The following PKHD1L1 variants were observed in gnomAD, a reference collection of about 807,000 sequenced individuals.
The protein encoded by PKHD1L1 is fibrocystin-L.
In PKHD1L1, 434 loss-of-function variants were observed where a neutral mutation model predicts 462.9. The observed-to-expected ratio is 0.94, with a 90% CI of 0.87 to 1.02. The LOEUF (loss-of-function observed/expected upper bound fraction) is 1.02, where lower values mean the gene tolerates loss of function less well. Among genes scored for constraint, PKHD1L1 ranks in the 50% least tolerant of loss-of-function variants. PKHD1L1 has a pLI of 0.00. For missense variants in PKHD1L1, 5,202 were observed against 5,096.1 expected, an observed-to-expected ratio of 1.02 and a Z score of -0.63; for synonymous variants, 1,781 against 1,750.0, an observed-to-expected ratio of 1.02 and a Z score of -0.44.
At chr8:109,436,755 A>C (rs1351923052) in intron 30 of PKHD1L1, among the ~76,000 whole-genome samples, 3 of 152,216 alleles carry the variant, frequency 2.0e-5, no homozygotes, top group Non-Finnish European at 4.4e-5. Context: ...AACATAAAAC[A>C]CAGTGGAGAG....
At chr8:109,407,334 A>G (rs1250680900) in intron 17 of PKHD1L1, among the ~76,000 whole-genome samples, 2 of 152,218 alleles carry the variant, frequency 1.3e-5, no homozygotes, top group Non-Finnish European at 2.9e-5. Context: ...ATACTTATGA[A>G]TAAACATATG....
At chr8:109,512,023 C>A (rs1284765497) in intron 71 of PKHD1L1, among the ~76,000 whole-genome samples, 1 of 152,042 alleles carries the variant, frequency 6.6e-6, no homozygotes, top group African/African-American at 2.4e-5. Flanking sequence ...ATGTCCTTTG[C>A]CCACTTTTTG....
Position 109,518,456 on chromosome 8 carries a change from T to C in PKHD1L1, c.11979T>C (p.Ile3993=), listed in dbSNP as rs750888738. ...GGAAGAGATCCATGGGATTCATAAT[T>C]GAAATAGAGATTGGAGACCCTCCTA... ...LRRKRSMGFI[I]EIEIGDPPIQ... The change falls in exon 73 of 78, where the codon ATT becomes ATC. Residue 3993 remains isoleucine, a synonymous_variant. Transcript: ENST00000378402. 4.3e-6 allele frequency: 7 copies of C among 1,609,226 alleles called. No individual in the cohort carries two copies. Among genetic ancestry groups the C allele is most frequent in the Non-Finnish European group, 5.9e-6 (7 of 1,179,500 alleles).
chr8:109,443,909 A>T lies in PKHD1L1; in HGVS notation c.4791+7A>T, dbSNP rs754427125. 5.7e-6 allele frequency: 9 copies of T among 1,576,006 alleles called. No individual in the cohort carries two copies. The highest frequency in any genetic ancestry group is 7.0e-6 in the Non-Finnish European group (8 of 1,148,354). Reference sequence around the variant, plus strand: ...TCTCCCATGGGCTAATAAGGTAAGAATATAAATACCTCCTTTGTACTTCTA... The same window carrying T: ...TCTCCCATGGGCTAATAAGGTAAGATTATAAATACCTCCTTTGTACTTCTA... On this transcript the variant is annotated splice_region_variant and intron_variant, in intron 37 of 77. Transcript: ENST00000378402.
rs1318932343 is a variant in PKHD1L1, at chr8:109,385,642, A to G, written c.569+12A>G. ...GTTAGGATTTTGAGGTAATCTTTTG[A>G]TGTGGAAATATATTCTTATAACTCA... On this transcript the variant is annotated intron_variant, in intron 6 of 77. Transcript: ENST00000378402. The G allele has an allele frequency of 2.7e-6, 4 of 1,485,706 alleles. No individual in the cohort carries two copies. The highest frequency in any genetic ancestry group is 2.8e-5 in the African/African-American group (2 of 71,472). The allele number at this position is 1,485,706 out of a possible 1,614,324, so 92.0% of individuals were successfully genotyped here.
chr8:109,469,724 T>C (rs1417614977), intron 50 of PKHD1L1, among the ~76,000 whole-genome samples: 2 of 152,176 alleles, frequency 1.3e-5, no homozygotes, highest in South Asian at 4.1e-4. Context: ...ACTGTCACAG[T>C]GCCTTAATAA....
At chr8:109,397,444 G>A (rs1813035951) in intron 11 of PKHD1L1, among the ~76,000 whole-genome samples, 1 of 152,124 alleles carries the variant, frequency 6.6e-6, no homozygotes. Context: ...GGGAGGCTGA[G>A]GCAGGAAGAT....
chr8:109,500,673 C>CAAAAAAAAAAAAAAA (rs34827783), intron 67 of PKHD1L1, among the ~76,000 whole-genome samples: 1 of 47,196 alleles, frequency 2.1e-5, no homozygotes, highest in African/African-American at 8.1e-5. Flanking sequence ...AACTCTGTCT[C>CAAAAAAAAAAAAAAA]AAAAAAAAAA....
intron 67 of PKHD1L1, among the ~76,000 whole-genome samples, chr8:109,500,673 CAAAAAAAAAAA>C (rs34827783): frequency 2.1e-5 from 1 of 47,196 alleles, no homozygotes; most frequent in Non-Finnish European, 3.9e-5. Context: ...AACTCTGTCT[CAAAAAAAAAAA>C]AAAAAAAAAA....
chr8:109,415,232 G>A (rs955893096), intron 21 of PKHD1L1, among the ~76,000 whole-genome samples: 1 of 151,714 alleles, frequency 6.6e-6, no homozygotes, highest in Non-Finnish European at 1.5e-5. Flanking sequence ...GAACTCCTAG[G>A]CTCAAGCAAT....
At chr8:109,455,385 A>G (rs1816762902) in intron 45 of PKHD1L1, among the ~76,000 whole-genome samples, 1 of 152,138 alleles carries the variant, frequency 6.6e-6, no homozygotes, top group Non-Finnish European at 1.5e-5. Context: ...AAAAAAACTC[A>G]GAACCAAGGT....
intron 2 of PKHD1L1, among the ~76,000 whole-genome samples, chr8:109,369,964 A>G (rs1409998232): frequency 1.3e-5 from 2 of 152,166 alleles, no homozygotes; most frequent in East Asian, 1.9e-4. Flanking sequence ...ATAAAATGAT[A>G]TTTATTAAAA....
chr8:109,459,627 T>C lies in PKHD1L1; in HGVS notation c.7037T>C (p.Ile2346Thr), dbSNP rs766002442. 1.9e-6 allele frequency: 3 copies of C among 1,582,224 alleles called. No homozygotes were observed. The highest frequency in any genetic ancestry group is 1.8e-5 in the Admixed American group (1 of 55,422). Reference protein sequence around the residue: ...HSQGENEKMTIASVSADGINI... With the variant: ...HSQGENEKMTTASVSADGINI... ...CAAGGAGAGAATGAAAAAATGACCA[T>C]TGCATCTGTGTCTGCTGATGGCATA... is the stretch of plus-strand genomic sequence containing the variant. The change falls in exon 47 of 78, where the codon ATT becomes ACT. Residue 2346 changes from isoleucine to threonine, a missense_variant. Ile to Thr is a moderately conservative substitution (Grantham distance 89). Coordinates refer to ENST00000378402, the MANE Select transcript of PKHD1L1 (RefSeq NM_177531.6).
intron 25 of PKHD1L1, among the ~76,000 whole-genome samples, 194 bp from the exon 26 acceptor site, chr8:109,429,146 T>C (rs1394764450): frequency 6.6e-6 from 1 of 152,176 alleles, no homozygotes; most frequent in Non-Finnish European, 1.5e-5. Context: ...GTCTTAATTT[T>C]TTTTCTTGGA....
chr8:109,471,894 C>T (rs1817742354), intron 50 of PKHD1L1, among the ~76,000 whole-genome samples: 1 of 152,000 alleles, frequency 6.6e-6, no homozygotes, highest in Non-Finnish European at 1.5e-5. Context: ...TGGTTTGTTG[C>T]CTACCTAGCT....
At chr8:109,461,048 G>A (rs1301677519) in intron 47 of PKHD1L1, among the ~76,000 whole-genome samples, 2 of 152,150 alleles carry the variant, frequency 1.3e-5, no homozygotes, top group African/African-American at 4.8e-5. Flanking sequence ...AGAAATAGAA[G>A]GGAAATGGAT....
chr8:109,500,673 CAAAAAAAAAAAAA>C (rs34827783), intron 67 of PKHD1L1, among the ~76,000 whole-genome samples: 4 of 47,198 alleles, frequency 8.5e-5, no homozygotes, highest in African/African-American at 2.4e-4. Context: ...AACTCTGTCT[CAAAAAAAAAAAAA>C]AAAAAAAAAA....
chr8:109,487,519 C>A (rs531872425), intron 59 of PKHD1L1, among the ~76,000 whole-genome samples: 3 of 144,992 alleles, frequency 2.1e-5, no homozygotes, highest in East Asian at 4.4e-4. Flanking sequence ...ATCCACATTG[C>A]AACTGATTAT....
At chr8:109,371,086 T>C (rs1351859396) in intron 2 of PKHD1L1, among the ~76,000 whole-genome samples, 2 of 152,228 alleles carry the variant, frequency 1.3e-5, no homozygotes, top group Non-Finnish European at 2.9e-5. Context: ...CACACTGACT[T>C]CCGCAATGGT....
Sources: gnomAD v4.1 joint callset for allele counts (sites outside exome capture counted in the v4.1 genomes callset) on GRCh38, gnomAD v4.1.1 for gene constraint, MANE v1.5 for transcripts, NCBI Gene and HGNC (gene_info 2026-07-23, HGNC 2026-07-21) for gene names.